CNKSR2: variants seen among roughly 807,000 people sequenced by gnomAD.
CNKSR2 encodes CNK homolog protein 2.
A neutral mutation model predicts 84.4 loss-of-function variants in CNKSR2; 14 were observed. The ratio of observed to expected loss-of-function variants is 0.17; its 90% CI spans 0.11 to 0.26. The LOEUF (loss-of-function observed/expected upper bound fraction) is 0.26, where lower values mean the gene tolerates loss of function less well. CNKSR2 is among the 10% of genes least tolerant of loss of function. CNKSR2 has a pLI of 1.00. For synonymous variants in CNKSR2, 275 were observed against 277.9 expected (o/e 0.99, Z 0.10); for missense variants, 485 against 771.2 (o/e 0.63, Z 4.40).
intron 1 of CNKSR2, among the ~76,000 whole-genome samples, chrX:21,418,594 A>G (rs1453454556): frequency 9.0e-6 from 1 of 110,770 alleles, no homozygotes; most frequent in Non-Finnish European, 1.9e-5. Context: ...TTCCTTCATC[A>G]CTTTAAATAT....
In CNKSR2 at chrX:21,432,756, C is replaced by G. The variant is rs1488099485; in HGVS notation, c.373C>G (p.Leu125Val). Residue 125 changes from leucine (L) to valine (V), a missense_variant, in exon 3 of 22, where the codon CTG (leucine) becomes GTG (valine). Leu to Val is a conservative substitution (Grantham distance 32). This residue lies in a region of CNKSR2 where 109 missense variants were observed against 197.5 expected (regional missense o/e 0.55). Transcript: ENST00000379510. ...RTSRKLPNDF[L>V]TSVVDLIGAA... The stretch of plus-strand genomic sequence containing the variant: ...CAGCCGAAAATTGCCAAACGACTTT[C>G]TGACCTCAGTTGTGGATCTGATTGG... 1 of 1,209,084 alleles carries G rather than the reference C, an allele frequency of 8.3e-7. No individual in the cohort carries two copies. The highest frequency in any genetic ancestry group is 1.1e-6 in the Non-Finnish European group (1 of 894,988).
intron 2 of CNKSR2, chrX:21,429,098 ATTTC>A (rs1482568502): frequency 2.7e-5 from 3 of 112,014 alleles, no homozygotes; most frequent in African/African-American, 9.7e-5. Context: ...TGTTAAATAC[ATTTC>A]TTTATTTCTT....
In CNKSR2 at chrX:21,561,538, G is replaced by A. The variant is rs1366342345; in HGVS notation, c.1371G>A (p.Lys457=). ...NWVGDYEDPN[K]MKRDSRRENS... Reference sequence around the variant, plus strand: ...TGGGGGACTATGAAGATCCAAATAAGATGAAGAGAGATAGTAGAAGAGGTA... The same window carrying A: ...TGGGGGACTATGAAGATCCAAATAAAATGAAGAGAGATAGTAGAAGAGGTA... Residue 457 remains lysine (K), a synonymous_variant, in exon 12 of 22, where the codon AAG becomes AAA. Coordinates refer to ENST00000379510, the MANE Select transcript of CNKSR2 (RefSeq NM_014927.5). 8.3e-7 allele frequency: 1 copy of A among 1,198,506 alleles called. No homozygotes were observed. Among genetic ancestry groups the A allele is most frequent in the Non-Finnish European group, 1.1e-6 (1 of 884,528 alleles).
At chrX:21,635,258 T>TCTAA (rs1251253488) in intron 20 of CNKSR2, among the ~76,000 whole-genome samples, 13 of 108,702 alleles carry the variant, frequency 1.2e-4, no homozygotes, top group African/African-American at 4.0e-4. Flanking sequence ...GCTTACTCTT[T>TCTAA]CTGAGCTTGC....
Position 21,374,542 on chromosome X carries a change from C to T in CNKSR2, c.-356C>T. ...TCGGCGACGCGACCCCTCAGCAACT[C>T]AAGCTATGAACTGAAGCTCCCTAGG... On this transcript the variant is annotated 5_prime_UTR_variant, in exon 1 of 22. Transcript: ENST00000379510. 4.5e-6 allele frequency: 2 copies of T among 448,320 alleles called. No homozygotes were observed. The highest frequency in any genetic ancestry group is 7.9e-6 in the Non-Finnish European group (2 of 254,515). The allele number at this position is 448,320 out of a possible 1,213,427, so 36.9% of individuals were successfully genotyped here.
At chrX:21,460,811 G>T (rs1275112393) in intron 4 of CNKSR2, among the ~76,000 whole-genome samples, 1 of 111,529 alleles carries the variant, frequency 9.0e-6, no homozygotes, top group Non-Finnish European at 1.9e-5. Flanking sequence ...GTCTTTAGGT[G>T]CCTGGCCTGT....
At chrX:21,392,666 A>G (rs2090067069) in intron 1 of CNKSR2, among the ~76,000 whole-genome samples, 1 of 111,505 alleles carries the variant, frequency 9.0e-6, no homozygotes, top group Non-Finnish European at 1.9e-5. Context: ...TTGGGTGGGG[A>G]CAGAAATCCA....
chrX:21,594,819 A>G, intron 15 of CNKSR2, 155 bp from the exon 16 acceptor site: 1 of 389,320 alleles, frequency 2.6e-6, no homozygotes, highest in Non-Finnish European at 4.6e-6. Context: ...TATGGAGTAC[A>G]GCAGGTAAGC....
At chrX:21,563,507 T>A in intron 13 of CNKSR2, 55 bp downstream of exon 13, 1 of 911,239 alleles carries the variant, frequency 1.1e-6, no homozygotes, top group Non-Finnish European at 1.5e-6. Flanking sequence ...GACTGGCAAG[T>A]GACTCTTTTG....
At chrX:21,468,157 C>T (rs2091152584) in intron 4 of CNKSR2, among the ~76,000 whole-genome samples, 1 of 110,529 alleles carries the variant, frequency 9.0e-6, no homozygotes, top group African/African-American at 3.3e-5. Flanking sequence ...AACAGCACTT[C>T]TCTAAGTCAG....
chrX:21,577,101 ATTT>A (rs1369950441), intron 13 of CNKSR2, among the ~76,000 whole-genome samples: 1 of 112,123 alleles, frequency 8.9e-6, no homozygotes, highest in East Asian at 2.8e-4. Context: ...ATGTTTAGAA[ATTT>A]TTATTTCCTC....
chrX:21,481,732 G>A (rs2091321637), intron 5 of CNKSR2, among the ~76,000 whole-genome samples: 1 of 111,910 alleles, frequency 8.9e-6, no homozygotes. Flanking sequence ...TGCTGGCCTT[G>A]AAGAAATCAG....
intron 20 of CNKSR2, chrX:21,643,858 A>G (rs1361747449): frequency 1.8e-5 from 2 of 111,336 alleles, no homozygotes; most frequent in Non-Finnish European, 3.8e-5. Flanking sequence ...GGCATAGCTG[A>G]TTGACTTACA....
chrX:21,496,278 T>A (rs908910301), intron 6 of CNKSR2, among the ~76,000 whole-genome samples: 1 of 111,770 alleles, frequency 8.9e-6, no homozygotes, highest in South Asian at 3.8e-4. Context: ...AGAGATCTTG[T>A]CCTCTTCTAA....
At chrX:21,494,935 C>G (rs771959513) in intron 6 of CNKSR2, 2 of 111,785 alleles carry the variant, frequency 1.8e-5, no homozygotes, top group Non-Finnish European at 3.8e-5. Flanking sequence ...AATTCCTTGA[C>G]TACCTATCCT....
At chrX:21,541,365 A>G (rs138887097) in intron 11 of CNKSR2, among the ~76,000 whole-genome samples, 1,336 of 112,005 alleles carry the variant, frequency 0.012, 13 homozygotes, top group Non-Finnish European at 0.018. Flanking sequence ...GTTGTTAAGA[A>G]TGAGTTAAAA....
intron 10 of CNKSR2, among the ~76,000 whole-genome samples, chrX:21,528,302 T>C (rs868548528): frequency 3.6e-5 from 4 of 111,505 alleles, no homozygotes; most frequent in African/African-American, 1.3e-4. Context: ...AGGAAGTGAC[T>C]TTTTATGATT....
At chrX:21,554,350 A>G (rs562147857) in intron 11 of CNKSR2, among the ~76,000 whole-genome samples, 1 of 111,504 alleles carries the variant, frequency 9.0e-6, no homozygotes, top group South Asian at 3.8e-4. Flanking sequence ...TTTTAACTTT[A>G]AGTTTAGGGG....
At chrX:21,471,127 A>G (rs1437896552) in intron 5 of CNKSR2, among the ~76,000 whole-genome samples, 3 of 112,036 alleles carry the variant, frequency 2.7e-5, no homozygotes. Context: ...AAAAGATCAG[A>G]GAAAGGTATT....
Sources: allele counts gnomAD v4.1 joint callset (sites outside exome capture counted in the v4.1 genomes callset), GRCh38; gene constraint gnomAD v4.1.1; regional missense constraint gnomAD v4.1.1; transcripts MANE v1.5; gene names NCBI Gene and HGNC (gene_info 2026-07-23, HGNC 2026-07-21).